The following GPHN variants were observed in gnomAD, a reference collection of about 807,000 sequenced individuals.
GPHN encodes gephyrin.
A neutral mutation model predicts 95.5 loss-of-function variants in GPHN; 17 were observed. The observed-to-expected ratio is 0.18, with a 90% CI of 0.12 to 0.27. The LOEUF is 0.27. Among genes scored for constraint, GPHN ranks in the 10% least tolerant of loss-of-function variants. The pLI, the probability that GPHN is intolerant of heterozygous loss-of-function variation, is 1.00. For synonymous variants in GPHN, 320 were observed against 322.5 expected, an observed-to-expected ratio of 0.99 and a Z score of 0.08; for missense variants, 660 against 978.1, an observed-to-expected ratio of 0.67 and a Z score of 4.34.
chr14:67,009,496 C>T (rs767876242), intron 9 of GPHN, among the ~76,000 whole-genome samples: 16 of 151,794 alleles, frequency 1.1e-4, no homozygotes, highest in Non-Finnish European at 1.8e-4. Context: ...TAAAACATAA[C>T]GTTAATGGGT....
At chr14:67,654,800 C>T in the GPHN span, among the ~76,000 whole-genome samples, 10 of 151,696 alleles carry the variant, frequency 6.6e-5, no homozygotes, top group African/African-American at 2.2e-4. Flanking sequence ...GAGGCTGAGG[C>T]GGGCAGATCA....
chr14:66,856,845 G>A lies in GPHN; in HGVS notation c.295-23094G>A, dbSNP rs115555068. 7.1e-3 allele frequency among the ~76,000 whole-genome samples: 1,073 copies of A among 151,938 alleles called. 5 individuals carry two copies. Among genetic ancestry groups the A allele is most frequent in the African/African-American group, 0.025 (1,025 of 41,470 alleles). ...TTAATTTCATTTTTATCATTATTAG[G>A]TAAATCACAAAAGATTATATGGTCA... On this transcript the variant is annotated intron_variant, in intron 4 of 22. Coordinates refer to ENST00000478722, the MANE Select transcript of GPHN (RefSeq NM_020806.5).
chr14:67,145,502 A>G (rs2080849126), intron 18 of GPHN, among the ~76,000 whole-genome samples: 1 of 152,168 alleles, frequency 6.6e-6, no homozygotes, highest in African/African-American at 2.4e-5. Context: ...CCTTTAATTT[A>G]CTAGGAAAGA....
intron 11 of GPHN, among the ~76,000 whole-genome samples, chr14:67,084,089 A>G (rs1485028249): frequency 6.6e-6 from 1 of 152,214 alleles, no homozygotes; most frequent in African/African-American, 2.4e-5. Flanking sequence ...TCAAAGCCTG[A>G]TGCAGAAGTC....
At chr14:67,697,084 C>A in the GPHN span, among the ~76,000 whole-genome samples, 1 of 152,140 alleles carries the variant, frequency 6.6e-6, no homozygotes, top group Non-Finnish European at 1.5e-5. Context: ...ACGCATTTGA[C>A]AAACATTTAT....
intron 1 of GPHN, among the ~76,000 whole-genome samples, chr14:66,544,578 CTT>C (rs202211510): frequency 2.7e-4 from 38 of 141,622 alleles, no homozygotes; most frequent in South Asian, 6.7e-4. Context: ...TTCTTTTTTT[CTT>C]TTTTTTTTTT....
At chr14:66,782,669 T>A (rs2059646596) in intron 3 of GPHN, among the ~76,000 whole-genome samples, 1 of 151,878 alleles carries the variant, frequency 6.6e-6, no homozygotes, top group East Asian at 1.9e-4. Context: ...AATACAAAAA[T>A]AATAATAATA....
intron 1 of GPHN, among the ~76,000 whole-genome samples, chr14:66,589,010 G>T (rs1429453520): frequency 1.3e-5 from 2 of 151,944 alleles, no homozygotes; most frequent in African/African-American, 4.8e-5. Flanking sequence ...ACAAAGGGAA[G>T]GCCATCAGAC....
At chr14:67,499,715 A>G in the GPHN span, among the ~76,000 whole-genome samples, 3 of 152,174 alleles carry the variant, frequency 2.0e-5, no homozygotes, top group Non-Finnish European at 4.4e-5. Context: ...GACCTCCAAT[A>G]GGTTAAAAAG....
chr14:66,806,260 A>G (rs1315364095), intron 3 of GPHN, among the ~76,000 whole-genome samples: 1 of 152,116 alleles, frequency 6.6e-6, no homozygotes. Context: ...CACATAGCAC[A>G]AGGACCCTGG....
At chr14:67,204,046 A>G in the GPHN span, among the ~76,000 whole-genome samples, 2 of 152,270 alleles carry the variant, frequency 1.3e-5, no homozygotes, top group East Asian at 1.9e-4. Context: ...AGCCTTAGGC[A>G]TATGATTAAG....
chr14:67,341,996 T>TA, the GPHN span, among the ~76,000 whole-genome samples: 1 of 151,610 alleles, frequency 6.6e-6, no homozygotes, highest in African/African-American at 2.4e-5. Context: ...GCATGCTCGT[T>TA]AAGAGTCATC....
At chr14:67,439,794 A>G in the GPHN span, among the ~76,000 whole-genome samples, 1 of 151,914 alleles carries the variant, frequency 6.6e-6, no homozygotes, top group African/African-American at 2.4e-5. Context: ...TTATGCTTTT[A>G]GTGTTAAAAT....
At chr14:67,221,790 C>T in the GPHN span, 1 of 1,613,226 alleles carries the variant, frequency 6.2e-7, no homozygotes, top group African/African-American at 1.3e-5. Context: ...AGCTTGAGAA[C>T]TGAATCAAAC....
chr14:66,548,449 G>T (rs1166620410), intron 1 of GPHN, among the ~76,000 whole-genome samples: 1 of 152,122 alleles, frequency 6.6e-6, no homozygotes, highest in African/African-American at 2.4e-5. Context: ...CCAAAGTGCT[G>T]GGATTACAGG....
the GPHN span, among the ~76,000 whole-genome samples, chr14:67,324,526 T>C: frequency 6.6e-6 from 1 of 152,220 alleles, no homozygotes; most frequent in South Asian, 2.1e-4. Flanking sequence ...TTAAAGATAG[T>C]CATTAAAAGC....
chr14:67,048,563 C>G (rs72715306), intron 10 of GPHN, among the ~76,000 whole-genome samples: 6,519 of 152,294 alleles, frequency 0.043, 168 homozygotes, highest in Non-Finnish European at 0.054. Context: ...CAGTCTGTCA[C>G]TCTTAGCTCC....
intron 16 of GPHN, among the ~76,000 whole-genome samples, chr14:67,118,206 T>C (rs2078801566): frequency 6.6e-6 from 1 of 152,094 alleles, no homozygotes; most frequent in Non-Finnish European, 1.5e-5. Flanking sequence ...AAGGGAAAAT[T>C]AGTAACTCCT....
chr14:67,577,331 T>C, the GPHN span: 1 of 1,579,722 alleles, frequency 6.3e-7, no homozygotes, highest in South Asian at 1.2e-5. Flanking sequence ...CCCCATGCTG[T>C]GCTACAGCAA....
Sources: allele counts gnomAD v4.1 joint callset (sites outside exome capture counted in the v4.1 genomes callset), GRCh38; gene constraint gnomAD v4.1.1; transcripts MANE v1.5; gene names NCBI Gene and HGNC (gene_info 2026-07-23, HGNC 2026-07-21).